The following SPIN1 variants were observed in gnomAD, a reference collection of about 807,000 sequenced individuals.
The protein encoded by SPIN1 is spindlin-1.
Under a neutral mutation model 26.0 loss-of-function variants are expected in SPIN1, and 3 were observed. That is an observed-to-expected ratio of 0.12 (90% CI 0.05 to 0.30). The LOEUF is 0.30. Ranked by LOEUF, SPIN1 falls within the 10% of genes least tolerant of loss-of-function variation. The pLI is 1.00. For missense variants in SPIN1, 126 were observed against 333.4 expected (o/e 0.38, Z 4.84); for synonymous variants, 101 against 116.5 (o/e 0.87, Z 0.86).
At chr9:88,435,338 C>CT (rs1289171437) in intron 2 of SPIN1, among the ~76,000 whole-genome samples, 2 of 151,960 alleles carry the variant, frequency 1.3e-5, no homozygotes, top group African/African-American at 2.4e-5. Context: ...ACCTCAGCCT[C>CT]TAAGTCGCTG....
rs993152521 is a variant in SPIN1 at position 88,391,241 on chromosome 9, A to C, written c.-159+2703A>C. On this transcript the variant is annotated intron_variant, in intron 1 of 5. Coordinates refer to ENST00000375859, the MANE Select transcript of SPIN1 (RefSeq NM_006717.3). Reference sequence around the variant, plus strand: ...GTATGGTAGAAATGAAAATATACCCAAAAAAATCACAGAACTGTTTATTAA... The same window carrying C: ...GTATGGTAGAAATGAAAATATACCCCAAAAAATCACAGAACTGTTTATTAA... 19 of 152,194 alleles carry C rather than the reference A, an allele frequency of 1.2e-4. No homozygotes were observed. The East Asian group carries it at 1.3e-3, about 11-fold the overall frequency. 9.4% of individuals were successfully genotyped at this position (152,194 alleles called of 1,614,324 possible). A position where few individuals can be genotyped will look rare whatever the true frequency, so the allele number is the denominator to read the frequency against.
intron 1 of SPIN1, among the ~76,000 whole-genome samples, chr9:88,416,013 T>C (rs1827556865): frequency 6.6e-6 from 1 of 151,670 alleles, no homozygotes; most frequent in African/African-American, 2.4e-5. Flanking sequence ...GCCTTGGCCT[T>C]CCAAAGTGCT....
intron 3 of SPIN1, among the ~76,000 whole-genome samples, chr9:88,452,298 G>A (rs573414732): frequency 1.3e-5 from 2 of 152,300 alleles, no homozygotes; most frequent in African/African-American, 4.8e-5. Context: ...CAGCTAGTAG[G>A]TGATTGAGCT....
At chr9:88,415,739 GA>G (rs1325133711) in intron 1 of SPIN1, 1 of 151,836 alleles carries the variant, frequency 6.6e-6, no homozygotes, top group African/African-American at 2.4e-5. Context: ...TTTTAAATAA[GA>G]ATATGTAATA....
intron 2 of SPIN1, among the ~76,000 whole-genome samples, chr9:88,429,080 T>A (rs2118034482): frequency 6.6e-6 from 1 of 152,284 alleles, no homozygotes; most frequent in African/African-American, 2.4e-5. Context: ...TTGCCCAGGC[T>A]GGTCTTCAAC....
At chr9:88,436,922 G>A (rs1004143040) in intron 2 of SPIN1, among the ~76,000 whole-genome samples, 3 of 151,574 alleles carry the variant, frequency 2.0e-5, no homozygotes, top group South Asian at 4.2e-4. Context: ...CCGCCACTAC[G>A]CCCGGCTATT....
intron 1 of SPIN1, among the ~76,000 whole-genome samples, chr9:88,400,097 G>A (rs545225306): frequency 1.3e-5 from 2 of 152,132 alleles, no homozygotes; most frequent in Non-Finnish European, 2.9e-5. Context: ...TGAAAAACCT[G>A]TAATTGGCCT....
intron 3 of SPIN1, chr9:88,457,815 C>A (rs965531463): frequency 3.1e-6 from 3 of 979,492 alleles, no homozygotes; most frequent in South Asian, 4.7e-5. Context: ...ACAGAATATA[C>A]ATGAGAAAAA....
intron 2 of SPIN1, among the ~76,000 whole-genome samples, chr9:88,432,187 C>A (rs1448419179): frequency 6.9e-6 from 1 of 143,964 alleles, no homozygotes; most frequent in Non-Finnish European, 1.5e-5. Context: ...CCCGCCCCCC[C>A]CACCCCCAGT....
intron 1 of SPIN1, among the ~76,000 whole-genome samples, chr9:88,418,247 C>G (rs560927679): frequency 2.0e-5 from 3 of 152,284 alleles, no homozygotes; most frequent in East Asian, 1.9e-4. Flanking sequence ...CTGAGGCTAT[C>G]CAGAAGCCAT....
chr9:88,468,896 T>C (rs1379539992), intron 5 of SPIN1, among the ~76,000 whole-genome samples: 18 of 152,184 alleles, frequency 1.2e-4, no homozygotes, highest in Non-Finnish European at 1.5e-5. Flanking sequence ...CATGATGGAA[T>C]AGGGATCAGT....
chr9:88,396,003 C>T lies in SPIN1; in HGVS notation c.-159+7465C>T, dbSNP rs183543048. On this transcript the variant is annotated intron_variant, in intron 1 of 5. Transcript: ENST00000375859. ...CAGAGACTGCAGTGAGCTGAGATTG[C>T]GCCACTGCACTCCAGCCTGGGTGAC... Among the ~76,000 whole-genome samples, 404 of 151,978 alleles carry T rather than the reference C, an allele frequency of 2.7e-3. 3 individuals carry two copies. Among genetic ancestry groups the T allele is most frequent in the Middle Eastern group, 0.014 (4 of 294 alleles).
chr9:88,445,560 ATT>A (rs1480552048), intron 2 of SPIN1, among the ~76,000 whole-genome samples: 26 of 145,324 alleles, frequency 1.8e-4, no homozygotes, highest in African/African-American at 5.6e-4. Context: ...TATTATTATT[ATT>A]ATATTGAGAT....
intron 1 of SPIN1, among the ~76,000 whole-genome samples, chr9:88,416,328 T>C (rs938120332): frequency 6.6e-6 from 1 of 152,112 alleles, no homozygotes; most frequent in Non-Finnish European, 1.5e-5. Context: ...TTTTGTTTTA[T>C]TTGTTTATTT....
chr9:88,468,055 C>A (rs1466648920), intron 4 of SPIN1, among the ~76,000 whole-genome samples: 1 of 151,978 alleles, frequency 6.6e-6, no homozygotes, highest in Non-Finnish European at 1.5e-5. Flanking sequence ...TATTTTATAC[C>A]TTGAATGAAC....
At chr9:88,402,281 C>A (rs1827202869) in intron 1 of SPIN1, among the ~76,000 whole-genome samples, 2 of 152,190 alleles carry the variant, frequency 1.3e-5, no homozygotes. Context: ...GTGTGAACTA[C>A]TGCGCCTCGT....
intron 1 of SPIN1, among the ~76,000 whole-genome samples, chr9:88,413,776 ATAAT>A (rs1827504691): frequency 6.6e-6 from 1 of 152,166 alleles, no homozygotes; most frequent in Admixed American, 6.6e-5. Flanking sequence ...TCATCAACAA[ATAAT>A]TGTTGATGGG....
chr9:88,471,484 G>A (rs1250946992), intron 5 of SPIN1, among the ~76,000 whole-genome samples: 1 of 151,692 alleles, frequency 6.6e-6, no homozygotes, highest in African/African-American at 2.4e-5. Context: ...GCAGCACGGG[G>A]AAACCCTGTC....
intron 1 of SPIN1, among the ~76,000 whole-genome samples, chr9:88,394,990 A>G (rs1471939931): frequency 6.6e-6 from 1 of 151,618 alleles, no homozygotes; most frequent in African/African-American, 2.4e-5. Context: ...TTGTATTTTT[A>G]GTAGAGACGG....
Sources: allele counts gnomAD v4.1 joint callset (sites outside exome capture counted in the v4.1 genomes callset), GRCh38; gene constraint gnomAD v4.1.1; transcripts MANE v1.5; gene names NCBI Gene and HGNC (gene_info 2026-07-23, HGNC 2026-07-21).